DCPH1: variants seen among roughly 807,000 people sequenced by gnomAD.
DCPH1 encodes damage control phosphatase 1, also known as damage-control phosphatase 1.
At chr6:151,453,057 C>A in the DCPH1 span, among the ~76,000 whole-genome samples, 1 of 152,326 alleles carries the variant, frequency 6.6e-6, no homozygotes, top group East Asian at 1.9e-4. Context: ...AAATAACATC[C>A]ATTTGCATAA....
chr6:151,459,276 CAT>C, the DCPH1 span, among the ~76,000 whole-genome samples: 2 of 152,078 alleles, frequency 1.3e-5, no homozygotes, highest in East Asian at 3.8e-4. Context: ...ACAAAGTAAG[CAT>C]ATGTTTTGTT....
the DCPH1 span, among the ~76,000 whole-genome samples, chr6:151,461,203 G>T: frequency 2.0e-5 from 3 of 152,326 alleles, no homozygotes; most frequent in East Asian, 1.9e-4. Flanking sequence ...AGACTGGGTG[G>T]CATCTTGAGT....
the DCPH1 span, among the ~76,000 whole-genome samples, chr6:151,455,354 C>A: frequency 2.6e-5 from 4 of 152,168 alleles, no homozygotes; most frequent in Non-Finnish European, 5.9e-5. Flanking sequence ...ATGGAGGATC[C>A]CGCCAGCCTC....
chr6:151,455,331 C>G, the DCPH1 span, among the ~76,000 whole-genome samples: 1 of 152,162 alleles, frequency 6.6e-6, no homozygotes. Flanking sequence ...CCTGGGGAAC[C>G]AGCGTTCAGC....
chr6:151,461,671 C>CA, the DCPH1 span, among the ~76,000 whole-genome samples: 8 of 151,612 alleles, frequency 5.3e-5, no homozygotes, highest in Admixed American at 2.6e-4. Context: ...AACTCCGTCT[C>CA]AAAAAAAACA....
At chr6:151,454,512 C>A in the DCPH1 span, 1 of 985,688 alleles carries the variant, frequency 1.0e-6, no homozygotes, top group Non-Finnish European at 1.6e-6. Context: ...AGTATTGATG[C>A]TGCTAAGTTA....
At chr6:151,461,791 C>T in the DCPH1 span, among the ~76,000 whole-genome samples, 4 of 152,188 alleles carry the variant, frequency 2.6e-5, no homozygotes, top group Admixed American at 2.6e-4. Context: ...TGATGATATC[C>T]ACTGGTTCAG....
the DCPH1 span, among the ~76,000 whole-genome samples, chr6:151,460,755 G>C: frequency 6.6e-6 from 1 of 151,698 alleles, no homozygotes; most frequent in African/African-American, 2.4e-5. Flanking sequence ...CTGCACTCCA[G>C]CCTGGGTGAA....
the DCPH1 span, chr6:151,452,629 G>C: frequency 1.3e-6 from 2 of 1,587,816 alleles, no homozygotes; most frequent in African/African-American, 1.4e-5. Flanking sequence ...GGAAAGCCGG[G>C]CCTCGCCGGG....
At chr6:151,454,422 A>G in the DCPH1 span, 7 of 620,820 alleles carry the variant, frequency 1.1e-5, no homozygotes, top group East Asian at 2.1e-4. Context: ...ATCATACAAT[A>G]CTTGTCTATC....
chr6:151,458,547 A>G, the DCPH1 span: 7 of 1,610,798 alleles, frequency 4.3e-6, no homozygotes, highest in Non-Finnish European at 5.9e-6. Context: ...CATGTATCGA[A>G]GAATTCATGA....
At chr6:151,455,943 A>C in the DCPH1 span, among the ~76,000 whole-genome samples, 1 of 152,108 alleles carries the variant, frequency 6.6e-6, no homozygotes, top group Non-Finnish European at 1.5e-5. Context: ...GATGACTCTC[A>C]AGGAGTATGC....
At chr6:151,458,770 T>C in the DCPH1 span, among the ~76,000 whole-genome samples, 5 of 152,238 alleles carry the variant, frequency 3.3e-5, no homozygotes, top group African/African-American at 1.2e-4. Flanking sequence ...GACATTTCTA[T>C]AGCTGTTACC....
At chr6:151,463,885 A>G in the DCPH1 span, among the ~76,000 whole-genome samples, 5 of 152,214 alleles carry the variant, frequency 3.3e-5, no homozygotes, top group African/African-American at 1.2e-4. Context: ...CATGCCACAT[A>G]TATCACCTTT....
chr6:151,458,847 G>GT, the DCPH1 span, among the ~76,000 whole-genome samples: 1 of 152,182 alleles, frequency 6.6e-6, no homozygotes, highest in Non-Finnish European at 1.5e-5. Context: ...AATATCTAAA[G>GT]TACGAATTGG....
the DCPH1 span, chr6:151,468,273 C>G: frequency 9.8e-7 from 1 of 1,023,826 alleles, no homozygotes; most frequent in Non-Finnish European, 1.4e-6. Context: ...GTCCCCCCAT[C>G]CCGCTACATA....
chr6:151,454,833 T>C, the DCPH1 span, among the ~76,000 whole-genome samples: 1 of 152,190 alleles, frequency 6.6e-6, no homozygotes, highest in Non-Finnish European at 1.5e-5. Flanking sequence ...ATTTAGAAAA[T>C]GATTGTGTTC....
the DCPH1 span, chr6:151,452,650 G>A: frequency 6.6e-7 from 1 of 1,513,614 alleles, no homozygotes; most frequent in Middle Eastern, 1.9e-4. Context: ...AGCCTGTGGG[G>A]ACTAAGCGGA....
the DCPH1 span, among the ~76,000 whole-genome samples, chr6:151,455,770 G>C: frequency 5.9e-5 from 9 of 152,240 alleles, no homozygotes; most frequent in Middle Eastern, 3.4e-3. Context: ...CGGGTGTCGG[G>C]CTGGGGGACG....
Sources: gnomAD v4.1 joint callset for allele counts (sites outside exome capture counted in the v4.1 genomes callset) on GRCh38, gnomAD v4.1.1 for gene constraint, MANE v1.5 for transcripts, NCBI Gene and HGNC (gene_info 2026-07-23, HGNC 2026-07-21) for gene names.